The following UTP14A variants were observed in gnomAD, a reference collection of about 807,000 sequenced individuals.
The protein encoded by UTP14A is UTP14A small subunit processome component, also known as U3 small nucleolar RNA-associated protein 14 homolog A.
In UTP14A, 5 loss-of-function variants were observed where a neutral mutation model predicts 57.2. The ratio of observed to expected loss-of-function variants is 0.09; its 90% CI spans 0.05 to 0.18. UTP14A has a LOEUF of 0.18. Ranked by LOEUF, UTP14A falls within the 10% of genes least tolerant of loss-of-function variation. UTP14A has a pLI of 1.00. For missense variants in UTP14A, 430 were observed against 562.1 expected (o/e 0.76, Z 2.38); for synonymous variants, 169 against 210.9 (o/e 0.80, Z 1.72).
At position 129,925,902 on chromosome X, in the gene UTP14A, C is replaced by G. The variant is rs114055352; in HGVS notation, c.1750-17C>G. ...AGCTCATAAGCCAAGCTGTAGCTCT[C>G]GCTTGTTTCTTCCCAGGAAGATGAA... On this transcript the variant is annotated splice_polypyrimidine_tract_variant and intron_variant, in intron 12 of 14. Coordinates refer to ENST00000394422, the MANE Select transcript of UTP14A (RefSeq NM_006649.4). The G allele has an allele frequency of 1.4e-3, 1,677 of 1,206,661 alleles. 20 individuals are homozygous for G. In the African/African-American group the frequency reaches 0.025, roughly 18 times the overall value.
At chrX:129,927,852 C>T (rs774442185) in intron 14 of UTP14A, among the ~76,000 whole-genome samples, 1 of 111,732 alleles carries the variant, frequency 8.9e-6, no homozygotes, top group Non-Finnish European at 1.9e-5. Flanking sequence ...TACGTGTTTT[C>T]CTCCTTTGGC....
intron 13 of UTP14A, 22 bp from the exon 14 acceptor site, chrX:129,926,218 G>T (rs1366957695): frequency 8.3e-7 from 1 of 1,209,370 alleles, no homozygotes; most frequent in Admixed American, 2.2e-5. Flanking sequence ...CTAGTCAGAT[G>T]TCCTGTTGTT....
intron 6 of UTP14A, among the ~76,000 whole-genome samples, chrX:129,915,718 T>G (rs146690269): frequency 2.8e-4 from 31 of 110,277 alleles, no homozygotes; most frequent in African/African-American, 1.0e-3. Context: ...CACTGCTGCC[T>G]CCTCTCTCTC....
intron 14 of UTP14A, 100 bp downstream of exon 14, chrX:129,926,439 A>C (rs1352122463): frequency 2.8e-6 from 2 of 706,039 alleles, no homozygotes; most frequent in East Asian, 6.5e-5. Flanking sequence ...GAGACGTGTG[A>C]TCTTGACCGC....
intron 6 of UTP14A, among the ~76,000 whole-genome samples, chrX:129,914,700 T>G: frequency 8.9e-6 from 1 of 112,604 alleles, no homozygotes; most frequent in Non-Finnish European, 1.9e-5. Flanking sequence ...GAGAAGGCAT[T>G]TGTAAACTGC....
intron 11 of UTP14A, chrX:129,922,335 A>G (rs1929946822): frequency 8.9e-6 from 1 of 112,528 alleles, no homozygotes; most frequent in Non-Finnish European, 1.9e-5. Flanking sequence ...TATCTGGACA[A>G]ATTACCAGGT....
intron 14 of UTP14A, among the ~76,000 whole-genome samples, 183 bp from the exon 15 acceptor site, chrX:129,929,153 A>G (rs1296741314): frequency 8.9e-6 from 1 of 111,955 alleles, no homozygotes; most frequent in Non-Finnish European, 1.9e-5. Flanking sequence ...ATGTCATCAA[A>G]CAGATTGAAT....
At chrX:129,920,823 C>T in intron 10 of UTP14A, 71 bp downstream of exon 10, 1 of 1,203,279 alleles carries the variant, frequency 8.3e-7, no homozygotes, top group South Asian at 1.8e-5. Context: ...TGGGGAAGAG[C>T]CATGAGGATG....
intron 6 of UTP14A, among the ~76,000 whole-genome samples, chrX:129,917,304 T>C (rs947154478): frequency 8.0e-5 from 9 of 112,729 alleles, no homozygotes; most frequent in African/African-American, 2.9e-4. Flanking sequence ...AATAGTTTTA[T>C]GGTTAAATCA....
chrX:129,910,405 T>A (rs997374171), intron 4 of UTP14A, among the ~76,000 whole-genome samples: 1 of 111,411 alleles, frequency 9.0e-6, no homozygotes, highest in Non-Finnish European at 1.9e-5. Flanking sequence ...AATTTTGGGC[T>A]GGATACAGTG....
chrX:129,916,271 C>T (rs1392902209), intron 6 of UTP14A, among the ~76,000 whole-genome samples: 1 of 111,143 alleles, frequency 9.0e-6, no homozygotes, highest in Non-Finnish European at 1.9e-5. Context: ...ACTCTCAACC[C>T]CTTCTTTGAA....
At chrX:129,927,099 A>G (rs760344383) in intron 14 of UTP14A, among the ~76,000 whole-genome samples, 2 of 111,519 alleles carry the variant, frequency 1.8e-5, no homozygotes, top group African/African-American at 3.3e-5. Flanking sequence ...AGGGTGCTTC[A>G]GTGGGCCAGG....
rs1929879584 is a variant in UTP14A at position 129,920,762 on chromosome X, C to A, written c.954+10C>A. 8.3e-7 allele frequency: 1 copy of A among 1,209,364 alleles called. No individual in the cohort carries two copies. The highest frequency in any genetic ancestry group is 1.1e-6 in the Non-Finnish European group (1 of 895,151). On this transcript the variant is annotated intron_variant, in intron 10 of 14. Coordinates refer to ENST00000394422, the MANE Select transcript of UTP14A (RefSeq NM_006649.4). ...CAAATATGACCTGGAGGTAAGAGACCCTTGGGGTGAGAGAAGATCTGGAAT... is the reference window on the plus strand; with the variant it reads ...CAAATATGACCTGGAGGTAAGAGACACTTGGGGTGAGAGAAGATCTGGAAT...
At chrX:129,912,807 A>G (rs775220437) in intron 6 of UTP14A, among the ~76,000 whole-genome samples, 86 of 112,205 alleles carry the variant, frequency 7.7e-4, no homozygotes, top group Non-Finnish European at 1.4e-3. Context: ...GTCTGAAGCA[A>G]AAGGATAATT....
intron 14 of UTP14A, among the ~76,000 whole-genome samples, chrX:129,927,749 T>C (rs1930157443): frequency 8.9e-6 from 1 of 111,773 alleles, no homozygotes; most frequent in African/African-American, 3.3e-5. Flanking sequence ...TCAAGTGATC[T>C]GCCTGCCTCG....
At chrX:129,911,959 A>G (rs759678375) in intron 6 of UTP14A, 38 bp downstream of exon 6, 1 of 1,199,232 alleles carries the variant, frequency 8.3e-7, no homozygotes, top group Non-Finnish European at 1.1e-6. Flanking sequence ...GTGAGATTTT[A>G]TAAGTTGGAG....
At chrX:129,928,729 G>A (rs1286658373) in intron 14 of UTP14A, among the ~76,000 whole-genome samples, 1 of 111,938 alleles carries the variant, frequency 8.9e-6, no homozygotes, top group African/African-American at 3.2e-5. Context: ...ACTCCAGCCT[G>A]GGCGACAGAG....
At chrX:129,912,042 C>A in intron 6 of UTP14A, 121 bp downstream of exon 6, 2 of 910,662 alleles carry the variant, frequency 2.2e-6, no homozygotes, top group Non-Finnish European at 3.0e-6. Context: ...TAGCTTAGTG[C>A]TCAGAAAGAA....
chrX:129,927,655 C>T (rs1327254811), intron 14 of UTP14A, among the ~76,000 whole-genome samples: 9 of 111,472 alleles, frequency 8.1e-5, no homozygotes, highest in Non-Finnish European at 7.5e-5. Context: ...TACAGGCATG[C>T]GCCACCACAC....
Sources: gnomAD v4.1 joint callset for allele counts (sites outside exome capture counted in the v4.1 genomes callset) on GRCh38, gnomAD v4.1.1 for gene constraint, MANE v1.5 for transcripts, NCBI Gene and HGNC (gene_info 2026-07-23, HGNC 2026-07-21) for gene names.